The following MTHFD1 variants were observed in gnomAD, a reference collection of about 807,000 sequenced individuals.
The protein encoded by MTHFD1 is methylenetetrahydrofolate dehydrogenase, cyclohydrolase and formyltetrahydrofolate synthetase 1, also known as C-1-tetrahydrofolate synthase, cytoplasmic.
MTHFD1 carries 44 observed loss-of-function variants against 110.3 expected under a neutral mutation model. That is an observed-to-expected ratio of 0.40 (90% confidence interval 0.31 to 0.51). MTHFD1 has a LOEUF of 0.51. Ranked by LOEUF, MTHFD1 falls within the 20% of genes least tolerant of loss-of-function variation. The probability of loss-of-function intolerance (pLI) is 0.60; values close to 1 mark genes in which losing one functional copy is unlikely to be tolerated. For missense variants in MTHFD1, 909 were observed against 1,173.1 expected (o/e 0.77, Z 3.29); for synonymous variants, 402 against 428.8 (o/e 0.94, Z 0.77).
At chr14:64,419,297 CGTG>C (rs2078051563) in intron 7 of MTHFD1, 1 of 202,460 alleles carries the variant, frequency 4.9e-6, no homozygotes, top group Non-Finnish European at 1.0e-5. Flanking sequence ...CAGAGGCAGT[CGTG>C]GGCAGTAGTC....
chr14:64,417,353 A>G lies in MTHFD1; in HGVS notation c.479-535A>G, dbSNP rs888355271. Among the ~76,000 whole-genome samples, 2 of 152,228 alleles carry G rather than the reference A, an allele frequency of 1.3e-5. No individual in the cohort carries two copies. The highest frequency in any genetic ancestry group is 1.5e-5 in the Non-Finnish European group (1 of 68,044). ...AAGAAAGCTTTGCTGCCACAGTTCA[A>G]TTTCCCCTTTATCACTTCCCTGCAA... On this transcript the variant is annotated intron_variant, in intron 6 of 27. Coordinates refer to ENST00000652337, the MANE Select transcript of MTHFD1 (RefSeq NM_005956.4). This position sits in a 1 kb window ranked among gnomAD's most constrained non-coding sequence, Gnocchi z 4.4.
intron 2 of MTHFD1, among the ~76,000 whole-genome samples, chr14:64,402,785 G>C (rs990287940): frequency 5.0e-5 from 1 of 19,838 alleles, no homozygotes; most frequent in Non-Finnish European, 1.3e-4. Context: ...CTCCAGCTTA[G>C]GTGACAGTGA....
intron 8 of MTHFD1, among the ~76,000 whole-genome samples, chr14:64,421,123 C>T (rs771598563): frequency 2.0e-5 from 3 of 152,182 alleles, no homozygotes; most frequent in South Asian, 2.1e-4. Context: ...TCCTTCCAAA[C>T]CTTGTTTGAT....
At chr14:64,388,685 G>A (rs1270619253) in intron 1 of MTHFD1, 4 of 619,802 alleles carry the variant, frequency 6.5e-6, no homozygotes, top group East Asian at 5.5e-5. Flanking sequence ...CCTGTGCTTC[G>A]GGGAAAAGTC....
At chr14:64,434,243 A>G (rs1361685241) in intron 15 of MTHFD1, among the ~76,000 whole-genome samples, 1 of 152,170 alleles carries the variant, frequency 6.6e-6, no homozygotes, top group Non-Finnish European at 1.5e-5. Context: ...AACATGAAGA[A>G]GAGGAGGCTT....
At chr14:64,444,047 T>TG (rs1237891012) in intron 21 of MTHFD1, among the ~76,000 whole-genome samples, 4 of 147,202 alleles carry the variant, frequency 2.7e-5, no homozygotes, top group Non-Finnish European at 6.0e-5. Context: ...ATGGACACCT[T>TG]CACCCATTTG....
At chr14:64,422,562 C>A (rs1297553374) in intron 8 of MTHFD1, among the ~76,000 whole-genome samples, 1 of 152,076 alleles carries the variant, frequency 6.6e-6, no homozygotes, top group East Asian at 1.9e-4. Context: ...AGGGCCAGAT[C>A]AATAGTGTTT....
intron 12 of MTHFD1, among the ~76,000 whole-genome samples, chr14:64,429,626 T>C (rs1235850219): frequency 1.3e-5 from 2 of 152,144 alleles, no homozygotes; most frequent in Admixed American, 6.5e-5. Flanking sequence ...GGATTTGGGA[T>C]GCTGGATCAG....
At chr14:64,422,076 A>G (rs1257204015) in intron 8 of MTHFD1, among the ~76,000 whole-genome samples, 1 of 152,160 alleles carries the variant, frequency 6.6e-6, no homozygotes, top group African/African-American at 2.4e-5. Context: ...TAAACATGAA[A>G]CTTGCCATCC....
chr14:64,388,744 G>T lies in MTHFD1; in HGVS notation c.41+276G>T, dbSNP rs536036478. The T allele has an allele frequency of 5.4e-5, 31 of 578,766 alleles. No individual in the cohort carries two copies. The African/African-American group carries it at 5.8e-4, about 11-fold the overall frequency. 35.9% of individuals were successfully genotyped at this position (578,766 alleles called of 1,614,324 possible). On this transcript the variant is annotated intron_variant, in intron 1 of 27. Transcript: ENST00000652337. ...GCGCAGCTGCTGGTGACTTTCTGCC[G>T]GGAGAGTGGGTAGTTGCGGCTTCCT...
chr14:64,401,440 C>T (rs2077895999), intron 2 of MTHFD1, among the ~76,000 whole-genome samples: 1 of 152,150 alleles, frequency 6.6e-6, no homozygotes, highest in African/African-American at 2.4e-5. Context: ...ACGGTGGCTC[C>T]TGCCTGTAAT....
chr14:64,433,412 C>T (rs2078176031), intron 15 of MTHFD1, among the ~76,000 whole-genome samples: 1 of 151,740 alleles, frequency 6.6e-6, no homozygotes, highest in African/African-American at 2.4e-5. Context: ...AGCCACTGTA[C>T]CCGGCCTGTT....
rs1173706483 is a variant in MTHFD1 at position 64,440,075 on chromosome 14, C to T, written c.1675-51C>T. On this transcript the variant is annotated intron_variant, in intron 17 of 27. Coordinates refer to ENST00000652337, the MANE Select transcript of MTHFD1 (RefSeq NM_005956.4). ...AAGAGGATCACTTTTGCAATTCACA[C>T]TTCTGGTTTAACACAAAGTTTTTGC... 11 of 1,583,566 alleles carry T rather than the reference C, an allele frequency of 6.9e-6. No individual in the cohort carries two copies. In the South Asian group the frequency reaches 1.1e-4, roughly 16 times the overall value.
intron 23 of MTHFD1, 51 bp downstream of exon 23, chr14:64,448,368 C>T (rs1163706142): frequency 7.5e-7 from 1 of 1,335,756 alleles, no homozygotes; most frequent in Non-Finnish European, 1.1e-6. Context: ...TCTCCTGGAG[C>T]TGATTGTACA....
rs538936004 is a variant in MTHFD1 at position 64,448,523 on chromosome 14, C to T, written c.2279+206C>T. The T allele has an allele frequency of 1.4e-4, 80 of 586,214 alleles. No homozygotes were observed. The East Asian group carries it at 2.2e-3, about 16-fold the overall frequency. 36.3% of individuals were successfully genotyped at this position (586,214 alleles called of 1,614,324 possible). The stretch of plus-strand genomic sequence containing the variant: ...AGGGTCCCAAAGTCAGATTCAGCTC[C>T]TATGGGCCCTTTTCCTTTCCACTGG... On this transcript the variant is annotated intron_variant, in intron 23 of 27. Coordinates refer to ENST00000652337, the MANE Select transcript of MTHFD1 (RefSeq NM_005956.4).
chr14:64,453,162 G>A (rs1454798433), intron 24 of MTHFD1, among the ~76,000 whole-genome samples: 3 of 151,900 alleles, frequency 2.0e-5, no homozygotes, highest in African/African-American at 4.8e-5. Flanking sequence ...ATTAATATGT[G>A]TATCTATATC....
chr14:64,396,493 G>A (rs4902280), intron 1 of MTHFD1, among the ~76,000 whole-genome samples: 33,080 of 148,678 alleles, frequency 0.22, 3,851 homozygotes, highest in Non-Finnish European at 0.25. Flanking sequence ...CCGGGTTCAA[G>A]CGATTCCCGT....
chr14:64,393,263 G>A (rs1467985022), intron 1 of MTHFD1, among the ~76,000 whole-genome samples: 4 of 152,160 alleles, frequency 2.6e-5, no homozygotes, highest in Non-Finnish European at 5.9e-5. Flanking sequence ...GCTGGGCATG[G>A]TGGCCCATGC....
Position 64,410,180 on chromosome 14 carries a change from A to C in MTHFD1, c.127-910A>C, listed in dbSNP as rs114366420. Among the ~76,000 whole-genome samples the C allele has an allele frequency of 1.1e-3, 160 of 152,324 alleles. 1 individual carries two copies. The highest frequency in any genetic ancestry group is 3.7e-3 in the African/African-American group (155 of 41,564). On this transcript the variant is annotated intron_variant, in intron 2 of 27. Transcript: ENST00000652337. ...TAGTGAGACACTGCATGGTGGTTCAAAGGATTTAGCCTCTGCACTACAAGT... is the reference window on the plus strand; with the variant it reads ...TAGTGAGACACTGCATGGTGGTTCACAGGATTTAGCCTCTGCACTACAAGT...
Sources: gnomAD v4.1 joint callset for allele counts (sites outside exome capture counted in the v4.1 genomes callset) on GRCh38, gnomAD v4.1.1 for gene constraint, Gnocchi (gnomAD v3.1) non-coding constraint, MANE v1.5 for transcripts, NCBI Gene and HGNC (gene_info 2026-07-23, HGNC 2026-07-21) for gene names.